Variants in BRWD1 observed in about 807,000 individuals in gnomAD.
BRWD1 encodes bromodomain and WD repeat domain containing 1, also known as bromodomain and WD repeat-containing protein 1.
Under a neutral mutation model 251.2 loss-of-function variants are expected in BRWD1, and 82 were observed. The ratio of observed to expected loss-of-function variants is 0.33; its 90% CI spans 0.27 to 0.39. The LOEUF (loss-of-function observed/expected upper bound fraction) is 0.39. BRWD1 is among the 10% of genes least tolerant of loss of function. The pLI is 1.00. For synonymous variants in BRWD1, 918 were observed against 902.8 expected, an observed-to-expected ratio of 1.02 and a Z score of -0.30; for missense variants, 2,233 against 2,711.6, an observed-to-expected ratio of 0.82 and a Z score of 3.92.
chr21:39,238,343 GTT>G, intron 22 of BRWD1, 134 bp downstream of exon 22: 2 of 537,218 alleles, frequency 3.7e-6, no homozygotes, highest in South Asian at 4.7e-5. Context: ...GTTGGATCTA[GTT>G]TTTGTCTCCT....
chr21:39,304,634 A>C (rs1016228626), intron 4 of BRWD1, among the ~76,000 whole-genome samples: 1 of 152,058 alleles, frequency 6.6e-6, no homozygotes, highest in African/African-American at 2.4e-5. Context: ...AAAAAATACA[A>C]ATGACCAAAA....
intron 20 of BRWD1, among the ~76,000 whole-genome samples, chr21:39,249,920 GTGTGTGTGTGT>G: frequency 4.1e-5 from 1 of 24,100 alleles, no homozygotes; most frequent in Non-Finnish European, 1.1e-4. Flanking sequence ...AGGGGGGTGT[GTGTGTGTGTGT>G]GTGTGTGTGT....
At position 39,313,188 on chromosome 21, in the gene BRWD1, G is replaced by A. The variant is rs750371883; in HGVS notation, c.108+53C>T. 9.4e-4 allele frequency: 1,415 copies of A among 1,509,412 alleles called. 2 individuals are homozygous for A. The highest frequency in any genetic ancestry group is 1.1e-3 in the Non-Finnish European group (1,272 of 1,126,312). 93.5% of individuals were successfully genotyped at this position (1,509,412 alleles called of 1,614,324 possible). On this transcript the variant is annotated intron_variant, in intron 2 of 40. Coordinates refer to ENST00000342449, the MANE Select transcript of BRWD1 (RefSeq NM_033656.4). ...CCGCCCACCACCCGCGACCCCCGGC[G>A]GCGGGGACACTGGGGACGCCAAGTC...
upstream of BRWD1, chr21:39,314,532 T>C (rs1480054677): frequency 8.5e-6 from 3 of 351,754 alleles, no homozygotes; most frequent in Non-Finnish European, 1.7e-5. Flanking sequence ...CTTGGAAGAC[T>C]AGTAGGATGT....
chr21:39,303,997 C>T (rs1386830628), intron 4 of BRWD1, among the ~76,000 whole-genome samples: 1 of 151,562 alleles, frequency 6.6e-6, no homozygotes, highest in African/African-American at 2.4e-5. Flanking sequence ...CAAAATGAGC[C>T]AGGCGTGGTG....
upstream of BRWD1, chr21:39,314,283 A>G (rs962209302): frequency 2.6e-5 from 12 of 455,834 alleles, no homozygotes; most frequent in Admixed American, 1.4e-4. Flanking sequence ...AAGGCTGCCG[A>G]GACCCAGCCA....
Position 39,190,191 on chromosome 21 carries a change from A to G in BRWD1, c.*6068T>C. ...ACAGTTCTGACTCAACACAATCTCT[A>G]GTTTCTACATTTCAAGGATTAATCA... On this transcript the variant is annotated 3_prime_UTR_variant, in exon 41 of 41. Transcript: ENST00000342449. The G allele has an allele frequency of 2.0e-6, 2 of 984,002 alleles. No individual in the cohort carries two copies. Among genetic ancestry groups the G allele is most frequent in the Non-Finnish European group, 2.4e-6 (2 of 828,850 alleles). The allele number at this position is 984,002 out of a possible 1,614,324, so 61.0% of individuals were successfully genotyped here. A position where few individuals can be genotyped will look rare whatever the true frequency, so the allele number is the denominator to read the frequency against.
chr21:39,314,057 C>T (rs2036631045), upstream of BRWD1: 1 of 455,828 alleles, frequency 2.2e-6, no homozygotes, highest in Non-Finnish European at 4.4e-6. Context: ...GGCAAGGTCG[C>T]CCGCTCCGGG....
rs2033650525 is a variant in BRWD1 at position 39,232,409 on chromosome 21, A to G, written c.2856T>C (p.Leu952=). 6.3e-7 allele frequency: 1 copy of G among 1,592,916 alleles called. No individual in the cohort carries two copies. Among genetic ancestry groups the G allele is most frequent in the Non-Finnish European group, 8.5e-7 (1 of 1,174,954 alleles). Residue 952 remains leucine, a synonymous_variant, in exon 24 of 41, where the codon CTT becomes CTC. Transcript: ENST00000342449. Reference sequence around the variant, plus strand: ...TTTGAGGAACAAAAGGAGATTTTCTAAGTGTGGTGTCAGTAATCCAAACTG... The same window carrying G: ...TTTGAGGAACAAAAGGAGATTTTCTGAGTGTGGTGTCAGTAATCCAAACTG... ...HPPVWITDTT[L]RKSPFVPQMG...
chr21:39,297,057 G>C (rs1392894979), intron 5 of BRWD1: 1 of 985,114 alleles, frequency 1.0e-6, no homozygotes, highest in Non-Finnish European at 1.2e-6. Flanking sequence ...ACATACGTAG[G>C]ATCTGTGACT....
At chr21:39,302,098 C>T (rs1192322439) in intron 4 of BRWD1, among the ~76,000 whole-genome samples, 1 of 149,562 alleles carries the variant, frequency 6.7e-6, no homozygotes, top group African/African-American at 2.5e-5. Flanking sequence ...ATTCTCCTGC[C>T]TCAGCCTCCC....
chr21:39,296,891 A>G (rs1333075644), intron 5 of BRWD1: 2 of 983,432 alleles, frequency 2.0e-6, no homozygotes, highest in Non-Finnish European at 2.4e-6. Context: ...ATAAGGAAAA[A>G]GTTCTTTGAT....
intron 8 of BRWD1, among the ~76,000 whole-genome samples, chr21:39,292,563 T>C (rs2035847859): frequency 6.6e-6 from 1 of 152,162 alleles, no homozygotes; most frequent in African/African-American, 2.4e-5. Context: ...CCTAACAATG[T>C]TTTAATCAAG....
Position 39,193,806 on chromosome 21 carries a change from CAT to C in BRWD1, c.*2451_*2452del, listed in dbSNP as rs1211121107. 8 of 985,374 alleles carry C rather than the reference CAT, an allele frequency of 8.1e-6. No homozygotes were observed. The African/African-American group carries it at 1.2e-4, about 15-fold the overall frequency. The allele number at this position is 985,374 out of a possible 1,614,324, so 61.0% of individuals were successfully genotyped here. On this transcript the variant is annotated 3_prime_UTR_variant, in exon 41 of 41. Coordinates refer to ENST00000342449, the MANE Select transcript of BRWD1 (RefSeq NM_033656.4). ...CATAACGTAGAAAAAAAAGGCCAAA[CAT>C]GTTCTAGTGCTCAATGTAAACATTT...
chr21:39,222,117 T>C (rs2033201616), intron 29 of BRWD1, among the ~76,000 whole-genome samples: 1 of 152,040 alleles, frequency 6.6e-6, no homozygotes, highest in Non-Finnish European at 1.5e-5. Flanking sequence ...TGTAAAATGG[T>C]ATACCTGCTC....
intron 25 of BRWD1, among the ~76,000 whole-genome samples, chr21:39,231,349 A>T (rs1321108772): frequency 2.0e-5 from 3 of 152,318 alleles, no homozygotes; most frequent in African/African-American, 7.2e-5. Flanking sequence ...ATACACTGTG[A>T]AAATGTATCC....
intron 1 of BRWD1, among the ~76,000 whole-genome samples, chr21:39,320,805 C>A (rs2036739449): frequency 6.6e-6 from 1 of 151,434 alleles, no homozygotes; most frequent in Admixed American, 6.6e-5. Flanking sequence ...GTAGCTGGGA[C>A]TACAGGTGCA....
In BRWD1 at chr21:39,210,861, C is replaced by T. The variant is rs2032624058; in HGVS notation, c.3969G>A (p.Lys1323=). Residue 1323 remains lysine (K), a synonymous_variant, in exon 35 of 41, where the codon AAG becomes AAA. Transcript: ENST00000342449. ...YVESNWKKQC[K]ELVNLIFQCE... is the part of the protein sequence containing the mutation. ...ACTGAAAAATTAAGTTCACTAGTTC[C>T]TTACACTGTTTCTTCCAGTTGCTTT... The T allele has an allele frequency of 2.5e-6, 4 of 1,612,790 alleles. No homozygotes were observed. In the South Asian group the frequency reaches 4.4e-5, roughly 18 times the overall value.
chr21:39,194,459 T>G lies in BRWD1; in HGVS notation c.*1800A>C. 7.4e-7 allele frequency: 1 copy of G among 1,345,400 alleles called. No individual in the cohort carries two copies. Among genetic ancestry groups the G allele is most frequent in the Non-Finnish European group, 9.5e-7 (1 of 1,050,806 alleles). The allele number at this position is 1,345,400 out of a possible 1,614,324, so 83.3% of individuals were successfully genotyped here. A position where few individuals can be genotyped will look rare whatever the true frequency, so the allele number is the denominator to read the frequency against. ...GTCAAGGACAATTATCATGAATCAA[T>G]CTGTTTACTATCTACTTAACACAAG... On this transcript the variant is annotated 3_prime_UTR_variant, in exon 41 of 41. Transcript: ENST00000342449.
Sources: gnomAD v4.1 joint callset for allele counts (sites outside exome capture counted in the v4.1 genomes callset) on GRCh38, gnomAD v4.1.1 for gene constraint, MANE v1.5 for transcripts, NCBI Gene and HGNC (gene_info 2026-07-23, HGNC 2026-07-21) for gene names.